CAPZB: variants seen among roughly 807,000 people sequenced by gnomAD.
CAPZB encodes the protein F-actin-capping protein subunit beta.
In CAPZB, 2 loss-of-function variants were observed where a neutral mutation model predicts 38.1. The ratio of observed to expected loss-of-function variants is 0.05; its 90% CI spans 0.02 to 0.17. CAPZB has a LOEUF of 0.17. CAPZB is among the 10% of genes least tolerant of loss of function. CAPZB has a pLI of 1.00. For missense variants in CAPZB, 161 were observed against 334.2 expected (o/e 0.48, Z 4.04); for synonymous variants, 107 against 127.4 (o/e 0.84, Z 1.08).
At chr1:19,473,734 C>T (rs142980191) in intron 1 of CAPZB, among the ~76,000 whole-genome samples, 4 of 152,084 alleles carry the variant, frequency 2.6e-5, no homozygotes, top group Admixed American at 6.5e-5. Flanking sequence ...CATAGTGGCA[C>T]GTGCCTGTAA....
chr1:19,363,750 A>G (rs2094067274), intron 4 of CAPZB, among the ~76,000 whole-genome samples: 1 of 151,994 alleles, frequency 6.6e-6, no homozygotes, highest in South Asian at 2.1e-4. Context: ...ACGGGGCTGC[A>G]AATCTAACAG....
intron 8 of CAPZB, among the ~76,000 whole-genome samples, chr1:19,340,192 G>A (rs757370905): frequency 3.3e-5 from 5 of 152,220 alleles, no homozygotes; most frequent in Non-Finnish European, 7.3e-5. Context: ...TTGGGAGTGG[G>A]TAAGAACCAG....
At chr1:19,369,995 C>T (rs1053659608) in intron 4 of CAPZB, among the ~76,000 whole-genome samples, 3 of 152,158 alleles carry the variant, frequency 2.0e-5, no homozygotes, top group African/African-American at 7.2e-5. Context: ...CCTGGCCTCT[C>T]CAATCCAGCC....
At chr1:19,427,345 C>T (rs1164082354) in intron 1 of CAPZB, among the ~76,000 whole-genome samples, 3 of 152,194 alleles carry the variant, frequency 2.0e-5, no homozygotes, top group Non-Finnish European at 4.4e-5. Context: ...TCATCAAGAC[C>T]TTCACTCGTT....
At chr1:19,398,362 G>A (rs765199441) in intron 2 of CAPZB, among the ~76,000 whole-genome samples, 7 of 152,284 alleles carry the variant, frequency 4.6e-5, no homozygotes, top group South Asian at 2.1e-4. Flanking sequence ...CTCAGAGCAC[G>A]GAGCCACTGA....
Position 19,472,709 on chromosome 1 carries a change from A to ATTTTTTTTTTTTTTTTTTTTT in CAPZB, c.3+12706_3+12726dup, listed in dbSNP as rs11334966. Among the ~76,000 whole-genome samples, 2 of 61,166 alleles carry ATTTTTTTTTTTTTTTTTTTTT rather than the reference A, an allele frequency of 3.3e-5. 1 individual carries two copies. Among genetic ancestry groups the ATTTTTTTTTTTTTTTTTTTTT allele is most frequent in the African/African-American group, 1.4e-4 (2 of 14,408 alleles). The allele number at this position is 61,166 out of a possible 152,430, so 40.1% of individuals were successfully genotyped here. On this transcript the variant is annotated intron_variant, in intron 1 of 8. Transcript: ENST00000264202. Reference sequence around the variant, plus strand: ...TGCAACTACTGCGCTTTCATTCTTCATTTTTTTTTTTTTTTTTTTTTTTTT... The same window carrying ATTTTTTTTTTTTTTTTTTTTT: ...TGCAACTACTGCGCTTTCATTCTTCATTTTTTTTTTTTTTTTTTTTTTTTTTTTTTTTTTTTTTTTTTTTTT...
chr1:19,399,624 G>C (rs2094292284), intron 2 of CAPZB, among the ~76,000 whole-genome samples: 1 of 152,210 alleles, frequency 6.6e-6, no homozygotes, highest in African/African-American at 2.4e-5. Context: ...TTCTCTGAGA[G>C]AGGAGCACTT....
At chr1:19,352,292 T>C (rs563066974) in intron 6 of CAPZB, among the ~76,000 whole-genome samples, 1 of 152,382 alleles carries the variant, frequency 6.6e-6, no homozygotes, top group Admixed American at 6.5e-5. Context: ...GTGTCTCTGC[T>C]GAGTGGGGAG....
At chr1:19,340,749 C>G (rs2093923564) in intron 8 of CAPZB, among the ~76,000 whole-genome samples, 1 of 152,126 alleles carries the variant, frequency 6.6e-6, no homozygotes, top group Admixed American at 6.5e-5. Context: ...GAAACTGAGG[C>G]TCAGAGGAAT....
chr1:19,461,041 G>C (rs1199751681), intron 1 of CAPZB, among the ~76,000 whole-genome samples: 2 of 131,986 alleles, frequency 1.5e-5, no homozygotes, highest in African/African-American at 2.7e-5. Context: ...TCTTCACTCA[G>C]ATGCAAGCTT....
intron 1 of CAPZB, among the ~76,000 whole-genome samples, chr1:19,435,201 T>C (rs1027276425): frequency 6.6e-6 from 1 of 152,140 alleles, no homozygotes; most frequent in East Asian, 1.9e-4. Flanking sequence ...TATTCCTCCA[T>C]CAACAGACAA....
In CAPZB at chr1:19,447,399, T is replaced by G. The variant is rs1375210268; in HGVS notation, c.4-27649A>C. Among the ~76,000 whole-genome samples the G allele has an allele frequency of 6.8e-5, 10 of 146,268 alleles. 1 individual carries two copies. Among genetic ancestry groups the G allele is most frequent in the Admixed American group, 6.8e-4 (10 of 14,646 alleles). On this transcript the variant is annotated intron_variant, in intron 1 of 8. Transcript: ENST00000264202. Reference sequence around the variant, plus strand: ...CACATCCAGCTAATTTTTTTTTTTTTTTTTTTTGGATTTTTAGTAGAGATG... The same window carrying G: ...CACATCCAGCTAATTTTTTTTTTTTGTTTTTTTGGATTTTTAGTAGAGATG...
chr1:19,363,884 A>C (rs748434410), intron 4 of CAPZB, among the ~76,000 whole-genome samples: 6 of 152,192 alleles, frequency 3.9e-5, no homozygotes, highest in Non-Finnish European at 4.4e-5. Context: ...TAATGAGTAC[A>C]TGCCACATGC....
chr1:19,470,232 A>AC (rs2094582512), intron 1 of CAPZB, among the ~76,000 whole-genome samples: 1 of 152,212 alleles, frequency 6.6e-6, no homozygotes, highest in Non-Finnish European at 1.5e-5. Flanking sequence ...AAAATAAAAA[A>AC]TAAAAAATAG....
intron 1 of CAPZB, among the ~76,000 whole-genome samples, chr1:19,480,303 C>T (rs1034583514): frequency 1.3e-5 from 2 of 152,158 alleles, no homozygotes; most frequent in Admixed American, 1.3e-4. Context: ...AAGTACATTA[C>T]AAATTTCACC....
chr1:19,345,565 A>G lies in CAPZB; in HGVS notation c.589-313T>C, dbSNP rs1416805711. Among the ~76,000 whole-genome samples, 3 of 152,238 alleles carry G rather than the reference A, an allele frequency of 2.0e-5. No individual in the cohort carries two copies. The East Asian group carries it at 5.8e-4, about 29-fold the overall frequency. ...CCCTTGGCAGGCACCAGCTCACCCG[A>G]GCCAACTGGAGAAGACTCACTCGGT... is the stretch of plus-strand genomic sequence containing the variant. On this transcript the variant is annotated intron_variant, in intron 6 of 8. Transcript: ENST00000264202.
intron 3 of CAPZB, among the ~76,000 whole-genome samples, chr1:19,384,933 C>T (rs1411807202): frequency 1.3e-5 from 2 of 152,180 alleles, no homozygotes; most frequent in Non-Finnish European, 2.9e-5. Context: ...TGAATCACAT[C>T]ATACAGTTAC....
At chr1:19,415,225 C>A (rs2094373794) in intron 2 of CAPZB, among the ~76,000 whole-genome samples, 1 of 152,224 alleles carries the variant, frequency 6.6e-6, no homozygotes, top group African/African-American at 2.4e-5. Flanking sequence ...TTGAAAACAA[C>A]AATCTCCCCC....
Position 19,408,696 on chromosome 1 carries a change from C to A in CAPZB, c.93+10965G>T, listed in dbSNP as rs79837853. On this transcript the variant is annotated intron_variant, in intron 2 of 8. Coordinates refer to ENST00000264202, the MANE Select transcript of CAPZB (RefSeq NM_004930.5). ...GCAACAGACCTCCAGTTCTGAGAGA[C>A]TGAGAGACCATCAGGCCTGCACTTC... Among the ~76,000 whole-genome samples the A allele has an allele frequency of 1.0e-2, 1,518 of 152,306 alleles. 65 individuals are homozygous for A. The East Asian group carries it at 0.13, about 13-fold the overall frequency.
Sources: allele counts gnomAD v4.1 joint callset (sites outside exome capture counted in the v4.1 genomes callset), GRCh38; gene constraint gnomAD v4.1.1; transcripts MANE v1.5; gene names NCBI Gene and HGNC (gene_info 2026-07-23, HGNC 2026-07-21).